TRPM7: variants seen among roughly 807,000 people sequenced by gnomAD.
The protein encoded by TRPM7 is transient receptor potential cation channel subfamily M member 7.
In TRPM7, 134 loss-of-function variants were observed where a neutral mutation model predicts 229.7. That is an observed-to-expected ratio of 0.58 (90% CI 0.51 to 0.67). The LOEUF (loss-of-function observed/expected upper bound fraction) is 0.67. Among genes scored for constraint, TRPM7 ranks in the 30% least tolerant of loss-of-function variants. The probability of loss-of-function intolerance (pLI) is 0.00; values close to 1 mark genes in which losing one functional copy is unlikely to be tolerated. For synonymous variants in TRPM7, 699 were observed against 715.2 expected, an observed-to-expected ratio of 0.98 and a Z score of 0.36; for missense variants, 1,901 against 2,210.0, an observed-to-expected ratio of 0.86 and a Z score of 2.80.
intron 31 of TRPM7, among the ~76,000 whole-genome samples, chr15:50,577,158 TG>T (rs1038219237): frequency 4.0e-5 from 6 of 149,032 alleles, no homozygotes; most frequent in Middle Eastern, 3.4e-3. Flanking sequence ...AAAGTGTGTG[TG>T]GGGGGGTAAT....
At chr15:50,617,199 T>C (rs552257450) in intron 13 of TRPM7, among the ~76,000 whole-genome samples, 1 of 151,518 alleles carries the variant, frequency 6.6e-6, no homozygotes, top group African/African-American at 2.4e-5. Context: ...TAGCCAGGCA[T>C]GGTGGTGTGC....
chr15:50,658,558 C>G (rs28483419), intron 2 of TRPM7, among the ~76,000 whole-genome samples: 3,236 of 145,286 alleles, frequency 0.022, 116 homozygotes, highest in African/African-American at 0.08. Context: ...GGCGAAAGAG[C>G]GAGAAACTGT....
At chr15:50,666,138 A>G (rs1168689219) in intron 1 of TRPM7, among the ~76,000 whole-genome samples, 1 of 152,210 alleles carries the variant, frequency 6.6e-6, no homozygotes, top group East Asian at 1.9e-4. Context: ...CAGCAAGATA[A>G]GCAAAAGTTA....
chr15:50,566,598 A>C (rs2053608203), intron 38 of TRPM7, among the ~76,000 whole-genome samples: 1 of 152,166 alleles, frequency 6.6e-6, no homozygotes, highest in Admixed American at 6.5e-5. Flanking sequence ...CAAGAGGCTG[A>C]AGCAGGAGAA....
At chr15:50,572,649 C>T (rs1385506021) in intron 36 of TRPM7, among the ~76,000 whole-genome samples, 2 of 152,190 alleles carry the variant, frequency 1.3e-5, no homozygotes, top group African/African-American at 4.8e-5. Flanking sequence ...AATTTTTAAA[C>T]TTAACTGGAT....
chr15:50,589,319 C>CAAAAAAA (rs34653276), intron 27 of TRPM7, among the ~76,000 whole-genome samples: 2 of 81,606 alleles, frequency 2.5e-5, no homozygotes, highest in Admixed American at 1.4e-4. Flanking sequence ...GACTCCGTCT[C>CAAAAAAA]AAAAAAAAAA....
At position 50,574,854 on chromosome 15, in the gene TRPM7, TCAGA is replaced by T; in HGVS notation, c.5013_5016del (p.Cys1671Ter). On this transcript the variant is annotated frameshift_variant, in exon 34 of 39. Coordinates refer to ENST00000646667, the MANE Select transcript of TRPM7 (RefSeq NM_017672.6). LOFTEE classifies it high-confidence loss of function. ...ATTAAATATTCACTGACACTTACTC[TCAGA>T]CAGAGATGCAGAACTGTATCTTCTT... The T allele has an allele frequency of 1.2e-6, 2 of 1,609,658 alleles. No homozygotes were observed. The highest frequency in any genetic ancestry group is 1.7e-6 in the Non-Finnish European group (2 of 1,177,556).
intron 3 of TRPM7, among the ~76,000 whole-genome samples, chr15:50,652,722 AAAAC>A (rs1567088173): frequency 6.6e-6 from 1 of 152,072 alleles, no homozygotes; most frequent in Non-Finnish European, 1.5e-5. Flanking sequence ...GAAAAAAACA[AAAAC>A]AAAATAAAAC....
intron 12 of TRPM7, 77 bp from the exon 13 acceptor site, chr15:50,619,875 C>A: frequency 2.5e-6 from 3 of 1,199,702 alleles, no homozygotes; most frequent in Non-Finnish European, 3.6e-6. Context: ...TTTTATGAAC[C>A]TTCTTATACA....
intron 5 of TRPM7, 146 bp downstream of exon 5, chr15:50,643,194 C>G (rs2061156066): frequency 1.6e-6 from 1 of 623,468 alleles, no homozygotes; most frequent in Admixed American, 2.8e-5. Context: ...GAGGCTGAGG[C>G]AGGAGAATTG....
intron 21 of TRPM7, among the ~76,000 whole-genome samples, chr15:50,600,400 G>A (rs1212530720): frequency 2.0e-5 from 3 of 149,666 alleles, no homozygotes; most frequent in African/African-American, 7.4e-5. Flanking sequence ...TCACGCCACT[G>A]CACTCCAGTC....
chr15:50,578,213 AAAGT>A (rs1204346460), intron 31 of TRPM7, among the ~76,000 whole-genome samples: 2 of 152,230 alleles, frequency 1.3e-5, no homozygotes, highest in Non-Finnish European at 2.9e-5. Flanking sequence ...AAAGGTTGAC[AAAGT>A]AATGGTCTAA....
At chr15:50,590,460 T>C (rs971417303) in intron 26 of TRPM7, among the ~76,000 whole-genome samples, 1 of 152,204 alleles carries the variant, frequency 6.6e-6, no homozygotes, top group Admixed American at 6.5e-5. Context: ...AGCCCATGTA[T>C]AATCTCCACA....
intron 1 of TRPM7, among the ~76,000 whole-genome samples, chr15:50,665,979 C>A (rs943576781): frequency 2.6e-5 from 4 of 151,030 alleles, no homozygotes; most frequent in African/African-American, 9.7e-5. Flanking sequence ...GGCAACAGAG[C>A]GAGACTCTCT....
chr15:50,605,209 T>C (rs2059890073), intron 20 of TRPM7, 65 bp from the exon 21 acceptor site: 1 of 1,281,856 alleles, frequency 7.8e-7, no homozygotes, highest in South Asian at 1.5e-5. Context: ...ACATACAGCA[T>C]TCAACTATAA....
At chr15:50,624,404 G>GT in intron 11 of TRPM7, 104 bp from the exon 12 acceptor site, 1 of 1,018,436 alleles carries the variant, frequency 9.8e-7, no homozygotes, top group South Asian at 2.2e-5. Context: ...GTTCCCAACA[G>GT]TTTTAGAACA....
At chr15:50,650,712 A>C (rs182206487) in intron 3 of TRPM7, among the ~76,000 whole-genome samples, 21 of 152,026 alleles carry the variant, frequency 1.4e-4, no homozygotes, top group South Asian at 4.2e-4. Context: ...ACAAAAAAAA[A>C]CAAAAAAATC....
intron 11 of TRPM7, among the ~76,000 whole-genome samples, chr15:50,624,753 G>A (rs779062322): frequency 3.9e-5 from 6 of 152,092 alleles, no homozygotes; most frequent in South Asian, 2.1e-4. Context: ...AAACTATCCC[G>A]CATCCCACAC....
intron 10 of TRPM7, 34 bp downstream of exon 10, chr15:50,631,378 TAAAAG>T: frequency 7.6e-7 from 1 of 1,317,652 alleles, no homozygotes; most frequent in East Asian, 2.3e-5. Context: ...ATACATAAAA[TAAAAG>T]GTCTTACAAA....
Sources: allele counts gnomAD v4.1 joint callset (sites outside exome capture counted in the v4.1 genomes callset), GRCh38; gene constraint gnomAD v4.1.1; transcripts MANE v1.5; gene names NCBI Gene and HGNC (gene_info 2026-07-23, HGNC 2026-07-21).